The following RRP1 variants were observed in gnomAD, a reference collection of about 807,000 sequenced individuals.
RRP1 encodes the protein ribosomal RNA processing protein 1 homolog A.
Under a neutral mutation model 54.6 loss-of-function variants are expected in RRP1, and 37 were observed. The observed-to-expected ratio is 0.68, with a 90% CI of 0.52 to 0.89. The LOEUF (loss-of-function observed/expected upper bound fraction) is 0.89. Among genes scored for constraint, RRP1 ranks in the 40% least tolerant of loss-of-function variants. The pLI is 0.00. For missense variants in RRP1, 639 were observed against 612.5 expected (o/e 1.04, Z -0.46); for synonymous variants, 262 against 244.3 (o/e 1.07, Z -0.67).
intron 5 of RRP1, among the ~76,000 whole-genome samples, chr21:43,797,143 A>G (rs1056962575): frequency 6.6e-6 from 1 of 152,192 alleles, no homozygotes; most frequent in African/African-American, 2.4e-5. Flanking sequence ...CTGAATGTTT[A>G]CACGTGCTGC....
In RRP1 at chr21:43,797,999, A is replaced by G. The variant is rs1360420851; in HGVS notation, c.710A>G (p.Asp237Gly). 1 of 1,614,018 alleles carries G rather than the reference A, an allele frequency of 6.2e-7. No homozygotes were observed. Among genetic ancestry groups the G allele is most frequent in the Non-Finnish European group, 8.5e-7 (1 of 1,179,990 alleles). Residue 237 changes from aspartate to glycine, a missense_variant, in exon 8 of 13, where the codon GAC (aspartate) becomes GGC (glycine). Asp to Gly is a moderately conservative substitution (Grantham distance 94). Coordinates refer to ENST00000497547, the MANE Select transcript of RRP1 (RefSeq NM_003683.6). ...ATTGAAGACCTCCTGAATGAACTGG[A>G]CACACAGGATGAGGAGGTGGCGTCG... ...LAIEDLLNELDTQDEEVASDS... is the reference protein window; with the variant it reads ...LAIEDLLNELGTQDEEVASDS...
intron 9 of RRP1, among the ~76,000 whole-genome samples, chr21:43,800,148 C>G (rs182460044): frequency 7.3e-6 from 1 of 137,102 alleles, no homozygotes; most frequent in Non-Finnish European, 1.7e-5. Flanking sequence ...TAAAATGTGG[C>G]TATCTTGGGT....
chr21:43,795,289 C>T (rs770596936), intron 5 of RRP1, 39 bp downstream of exon 5: 15 of 1,596,494 alleles, frequency 9.4e-6, no homozygotes, highest in Non-Finnish European at 1.0e-5. Context: ...GGACGCTGTT[C>T]TCGGGGACCG....
chr21:43,794,834 G>A (rs2085000120), intron 4 of RRP1, among the ~76,000 whole-genome samples: 1 of 152,254 alleles, frequency 6.6e-6, no homozygotes, highest in South Asian at 2.1e-4. Flanking sequence ...GGGTAGCCGT[G>A]CCTCTTTCCT....
chr21:43,795,478 G>T (rs1427368971), intron 5 of RRP1, among the ~76,000 whole-genome samples: 1 of 152,238 alleles, frequency 6.6e-6, no homozygotes, highest in African/African-American at 2.4e-5. Flanking sequence ...GGAGTCAGAA[G>T]GGAGTTTTTT....
At chr21:43,796,720 C>G (rs2085021838) in intron 5 of RRP1, among the ~76,000 whole-genome samples, 1 of 152,176 alleles carries the variant, frequency 6.6e-6, no homozygotes, top group African/African-American at 2.4e-5. Flanking sequence ...ATTCTCCAGC[C>G]TTGCTACGGA....
chr21:43,798,009 TGAG>T lies in RRP1; in HGVS notation c.725_727del (p.Glu242del), dbSNP rs1438006229. 5 of 1,614,016 alleles carry T rather than the reference TGAG, an allele frequency of 3.1e-6. No homozygotes were observed. Among genetic ancestry groups the T allele is most frequent in the Non-Finnish European group, 4.2e-6 (5 of 1,180,008 alleles). ...TCCTGAATGAACTGGACACACAGGA[TGAG>T]GAGGTGGCGTCGGACAGTGATGAGT... is the stretch of plus-strand genomic sequence containing the variant. On this transcript the variant is annotated inframe_deletion, in exon 8 of 13. Transcript: ENST00000497547.
Position 43,789,609 on chromosome 21 carries a change from G to C in RRP1, c.-21G>C, listed in dbSNP as rs760052462. 8 of 1,585,110 alleles carry C rather than the reference G, an allele frequency of 5.0e-6. No individual in the cohort carries two copies. The highest frequency in any genetic ancestry group is 2.4e-5 in the East Asian group (1 of 42,454). ...TGGGTACCAGGCGACTCCGGGACAGGGGGTCTCGGCCGTCGGCGTCATGGT... is the reference window on the plus strand; with the variant it reads ...TGGGTACCAGGCGACTCCGGGACAGCGGGTCTCGGCCGTCGGCGTCATGGT... On this transcript the variant is annotated 5_prime_UTR_variant, in exon 1 of 13. Transcript: ENST00000497547.
Position 43,797,550 on chromosome 21 carries a change from A to C in RRP1, c.551A>C (p.Glu184Ala), listed in dbSNP as rs764549852. The change falls in exon 6 of 13, where the codon GAG becomes GCG. Residue 184 changes from glutamate to alanine, a missense_variant and splice_region_variant. Glu to Ala is a moderately radical substitution (Grantham distance 107, BLOSUM62 -1). Transcript: ENST00000497547. ...GAGCTGACCAAAGTGGGCGCCGAGG[A>C]GGTGAGGCTGGGCTCCGACGGGGCG... ...LEELTKVGAE[E>A]LTADQNLKFI... 22 of 1,613,798 alleles carry C rather than the reference A, an allele frequency of 1.4e-5. No individual in the cohort carries two copies. In the African/African-American group the frequency reaches 2.9e-4, roughly 22 times the overall value.
intron 5 of RRP1, among the ~76,000 whole-genome samples, chr21:43,796,712 T>A (rs2085021691): frequency 6.6e-6 from 1 of 152,174 alleles, no homozygotes; most frequent in Admixed American, 6.5e-5. Context: ...CACGAGTGAT[T>A]CTCCAGCCTT....
In RRP1 at chr21:43,803,880, TC is replaced by T; in HGVS notation, c.*108del. Reference sequence around the variant, plus strand: ...AGACTCAGGACCGTGGCTCCAGAACTCCTGTGCCAGGCGGGAGGGAAGGGCG... The same window carrying T: ...AGACTCAGGACCGTGGCTCCAGAACTCTGTGCCAGGCGGGAGGGAAGGGCG... On this transcript the variant is annotated 3_prime_UTR_variant, in exon 13 of 13. Transcript: ENST00000497547. 7.4e-7 allele frequency: 1 copy of T among 1,359,802 alleles called. No individual in the cohort carries two copies. The highest frequency in any genetic ancestry group is 1.5e-5 in the African/African-American group (1 of 68,180). 84.2% of individuals were successfully genotyped at this position (1,359,802 alleles called of 1,614,324 possible). A position where few individuals can be genotyped will look rare whatever the true frequency, so the allele number is the denominator to read the frequency against.
intron 11 of RRP1, among the ~76,000 whole-genome samples, chr21:43,801,506 GCT>G (rs1241316271): frequency 6.6e-6 from 1 of 152,114 alleles, no homozygotes; most frequent in Non-Finnish European, 1.5e-5. Flanking sequence ...GCGGTGTCTC[GCT>G]CTGTTGCCCA....
chr21:43,802,422 C>T (rs753684651), intron 12 of RRP1, 35 bp downstream of exon 12: 72 of 1,543,024 alleles, frequency 4.7e-5, no homozygotes, highest in Non-Finnish European at 6.1e-5. Flanking sequence ...ATGGAGCCGG[C>T]GTCCTCACCT....
At chr21:43,791,509 CTT>C (rs955746364) in intron 2 of RRP1, 77 bp downstream of exon 2, 9 of 1,251,786 alleles carry the variant, frequency 7.2e-6, no homozygotes, top group East Asian at 2.6e-5. Context: ...CCCAGTTTTT[CTT>C]TTTTTTTTAA....
In RRP1 at chr21:43,803,823, A is replaced by T. The variant is rs755736995; in HGVS notation, c.*49A>T. 4.6e-6 allele frequency: 7 copies of T among 1,506,398 alleles called. No homozygotes were observed. The highest frequency in any genetic ancestry group is 6.2e-6 in the Non-Finnish European group (7 of 1,122,178). 93.3% of individuals were successfully genotyped at this position (1,506,398 alleles called of 1,614,324 possible). On this transcript the variant is annotated 3_prime_UTR_variant, in exon 13 of 13. Coordinates refer to ENST00000497547, the MANE Select transcript of RRP1 (RefSeq NM_003683.6). ...GGGAGGGAGGCCAGGCCTCGCTTGC[A>T]CCGCGGGACGAGGCTGACCGGGCTG...
At chr21:43,800,302 TGCCCCGCAGTGCGC>T (rs2085072464) in intron 9 of RRP1, among the ~76,000 whole-genome samples, 1 of 151,702 alleles carries the variant, frequency 6.6e-6, no homozygotes, top group South Asian at 2.1e-4. Context: ...CCGCAGTGCG[TGCCCCGCAGTGCGC>T]CCGCAGCTTG....
rs760991913 is a variant in RRP1 at position 43,803,672 on chromosome 21, A to G, written c.1284A>G (p.Arg428=). 6 of 1,552,012 alleles carry G rather than the reference A, an allele frequency of 3.9e-6. No homozygotes were observed. The African/African-American group carries it at 5.5e-5, about 14-fold the overall frequency. The change falls in exon 13 of 13, where the codon AGA becomes AGG. Residue 428 remains arginine, a synonymous_variant. Transcript: ENST00000497547. ...ATCAGCCCAGGGGCCGTGGCCAGAGAGGGGCTCGCCAGAGAAGGAGGACAC... is the reference window on the plus strand; with the variant it reads ...ATCAGCCCAGGGGCCGTGGCCAGAGGGGGGCTCGCCAGAGAAGGAGGACAC... ...LRDQPRGRGQ[R]GARQRRRTPR...
At chr21:43,802,552 C>T (rs2085105736) in intron 12 of RRP1, 165 bp downstream of exon 12, 3 of 624,642 alleles carry the variant, frequency 4.8e-6, no homozygotes, top group African/African-American at 1.8e-5. Flanking sequence ...TCCTCGGCAT[C>T]CCTCCTGTAG....
chr21:43,802,216 C>G (rs764816197), intron 11 of RRP1, 58 bp from the exon 12 acceptor site: 1 of 1,283,258 alleles, frequency 7.8e-7, no homozygotes, highest in Non-Finnish European at 1.1e-6. Context: ...AAGCAGCGAG[C>G]CTCAAACCAT....
Sources: gnomAD v4.1 joint callset for allele counts (sites outside exome capture counted in the v4.1 genomes callset) on GRCh38, gnomAD v4.1.1 for gene constraint, MANE v1.5 for transcripts, NCBI Gene and HGNC (gene_info 2026-07-23, HGNC 2026-07-21) for gene names.